EXD3: variants seen among roughly 807,000 people sequenced by gnomAD.
The protein encoded by EXD3 is exonuclease mut-7 homolog.
EXD3 carries 92 observed loss-of-function variants against 98.0 expected under a neutral mutation model. The observed-to-expected ratio is 0.94, with a 90% CI of 0.79 to 1.12. The LOEUF is 1.12. Among genes scored for constraint, EXD3 ranks in the 50% most tolerant of loss-of-function variants. EXD3 has a pLI of 0.00. For synonymous variants in EXD3, 569 were observed against 526.0 expected, an observed-to-expected ratio of 1.08 and a Z score of -1.12; for missense variants, 1,222 against 1,191.6, an observed-to-expected ratio of 1.03 and a Z score of -0.38.
intron 19 of EXD3, among the ~76,000 whole-genome samples, chr9:137,318,870 C>T (rs562687996): frequency 1.3e-5 from 2 of 152,362 alleles, no homozygotes; most frequent in African/African-American, 4.8e-5. Flanking sequence ...GGCCCCTGGC[C>T]CAGCTTTGGG....
At chr9:137,352,530 G>A (rs1401517108) in intron 11 of EXD3, 90 bp downstream of exon 11, 2 of 1,256,822 alleles carry the variant, frequency 1.6e-6, no homozygotes, top group African/African-American at 1.5e-5. Flanking sequence ...TCAAGCCACT[G>A]GCGTGAAGAC....
At chr9:137,332,675 C>T (rs375699411) in intron 17 of EXD3, among the ~76,000 whole-genome samples, 6 of 151,126 alleles carry the variant, frequency 4.0e-5, no homozygotes, top group East Asian at 1.9e-4. Context: ...AACCCCGTCT[C>T]TACTAAAAAG....
chr9:137,419,934 C>T (rs958417260), intron 1 of EXD3, among the ~76,000 whole-genome samples: 135 of 151,850 alleles, frequency 8.9e-4, no homozygotes, highest in Middle Eastern at 3.4e-3. Context: ...CCAAGGCGGG[C>T]GGATCACGAG....
In EXD3 at chr9:137,333,441, A is replaced by G. The variant is rs545483397; in HGVS notation, c.1999-9298T>C. 3.9e-5 allele frequency among the ~76,000 whole-genome samples: 6 copies of G among 152,278 alleles called. 1 individual carries two copies. In the South Asian group the frequency reaches 1.2e-3, roughly 32 times the overall value. On this transcript the variant is annotated intron_variant, in intron 17 of 21. Coordinates refer to ENST00000340951, the MANE Select transcript of EXD3 (RefSeq NM_017820.5). ...CTGTCCCTCTAGAGAACCCTGGCTG[A>G]CACTATACTACAAGGCTCTGTGGTA...
chr9:137,394,079 C>T (rs1368484462), intron 2 of EXD3, among the ~76,000 whole-genome samples: 2 of 152,196 alleles, frequency 1.3e-5, no homozygotes, highest in Non-Finnish European at 2.9e-5. Context: ...GGGCTGACCC[C>T]TCTGGCACTA....
At chr9:137,350,996 A>G in intron 14 of EXD3, 42 bp downstream of exon 14, 3 of 1,523,062 alleles carry the variant, frequency 2.0e-6, no homozygotes, top group Non-Finnish European at 2.7e-6. Flanking sequence ...CTCGAACCCC[A>G]GGCCCACCCG....
At chr9:137,336,626 C>T (rs1833365394) in intron 17 of EXD3, among the ~76,000 whole-genome samples, 2 of 147,852 alleles carry the variant, frequency 1.4e-5, no homozygotes, top group African/African-American at 5.0e-5. Context: ...CCACTGCACT[C>T]CAGCCTGGGT....
chr9:137,368,651 C>T (rs1835400131), intron 5 of EXD3, among the ~76,000 whole-genome samples: 1 of 152,246 alleles, frequency 6.6e-6, no homozygotes, highest in Non-Finnish European at 1.5e-5. Context: ...GGAGCATCGG[C>T]GCCCCGCCCC....
chr9:137,325,270 T>C (rs1318270954), intron 17 of EXD3, among the ~76,000 whole-genome samples: 2 of 152,164 alleles, frequency 1.3e-5, no homozygotes, highest in Non-Finnish European at 2.9e-5. Context: ...AGCGTCTAGA[T>C]GCTGCAGAAA....
chr9:137,337,912 C>T (rs1423682671), intron 17 of EXD3, among the ~76,000 whole-genome samples: 1 of 151,910 alleles, frequency 6.6e-6, no homozygotes, highest in African/African-American at 2.4e-5. Flanking sequence ...CTCAGCCTCC[C>T]GAGTAGCTGG....
rs566525724 is a variant in EXD3 at position 137,385,691 on chromosome 9, G to A, written c.56-2314C>T. On this transcript the variant is annotated intron_variant, in intron 2 of 21. Coordinates refer to ENST00000340951, the MANE Select transcript of EXD3 (RefSeq NM_017820.5). The surrounding 1 kb of genome is among the most constrained non-coding windows in gnomAD (Gnocchi z 4.4). Reference sequence around the variant, plus strand: ...TGGGAGTACAGGCGCTCACCGCTACGCCTGGCTAATTTTTGTATTTTTAGT... The same window carrying A: ...TGGGAGTACAGGCGCTCACCGCTACACCTGGCTAATTTTTGTATTTTTAGT... Among the ~76,000 whole-genome samples, 33 of 152,092 alleles carry A rather than the reference G, an allele frequency of 2.2e-4. No homozygotes were observed. The highest frequency in any genetic ancestry group is 6.0e-4 in the African/African-American group (25 of 41,520).
At chr9:137,356,425 A>T (rs1442287564) in intron 7 of EXD3, 57 bp from the exon 8 acceptor site, 2 of 1,124,616 alleles carry the variant, frequency 1.8e-6, no homozygotes, top group East Asian at 5.2e-5. Flanking sequence ...ACATTTTAAG[A>T]TTTTCATTTT....
chr9:137,355,541 A>T (rs923561591), intron 8 of EXD3, among the ~76,000 whole-genome samples: 1,193 of 51,758 alleles, frequency 0.023, 1 homozygote, highest in South Asian at 0.045. Context: ...GGAAGGAGGA[A>T]GGAGGAAGGA....
intron 17 of EXD3, among the ~76,000 whole-genome samples, chr9:137,328,616 A>G (rs796745424): frequency 0.021 from 1,655 of 79,476 alleles, 71 homozygotes; most frequent in African/African-American, 0.053. Context: ...ACGGGGCTAC[A>G]CGGGACTACA....
At chr9:137,327,282 C>G (rs1157633438) in intron 17 of EXD3, among the ~76,000 whole-genome samples, 1 of 152,068 alleles carries the variant, frequency 6.6e-6, no homozygotes, top group Non-Finnish European at 1.5e-5. Flanking sequence ...TATAGGCGCC[C>G]TCCACCACGG....
intron 1 of EXD3, among the ~76,000 whole-genome samples, chr9:137,408,057 C>T (rs1269271341): frequency 6.6e-6 from 1 of 152,188 alleles, no homozygotes; most frequent in East Asian, 1.9e-4. Flanking sequence ...CTCCAAGGGT[C>T]TCCCTGGCCC....
chr9:137,355,587 A>AG (rs1834665113), intron 8 of EXD3, among the ~76,000 whole-genome samples: 1 of 10,506 alleles, frequency 9.5e-5, no homozygotes, highest in Non-Finnish European at 1.6e-4. Context: ...AGGAGGAAGG[A>AG]GAAAGGGCGG....
At chr9:137,398,750 G>A (rs113134033) in intron 1 of EXD3, among the ~76,000 whole-genome samples, 16 of 58,908 alleles carry the variant, frequency 2.7e-4, no homozygotes, top group East Asian at 8.8e-4. Flanking sequence ...CCGCGTCCCC[G>A]AGACACACAG....
intron 16 of EXD3, 39 bp from the exon 17 acceptor site, chr9:137,348,277 C>T (rs749448873): frequency 6.3e-7 from 1 of 1,585,628 alleles, no homozygotes; most frequent in Non-Finnish European, 8.6e-7. Flanking sequence ...ACGGTCACCC[C>T]CCAGCCCCTC....
Sources: gnomAD v4.1 joint callset for allele counts (sites outside exome capture counted in the v4.1 genomes callset) on GRCh38, gnomAD v4.1.1 for gene constraint, Gnocchi (gnomAD v3.1) non-coding constraint, MANE v1.5 for transcripts, NCBI Gene and HGNC (gene_info 2026-07-23, HGNC 2026-07-21) for gene names.